Variants in FBXL13 observed in about 807,000 individuals in gnomAD.
FBXL13 encodes the protein F-box and leucine rich repeat protein 13, also known as F-box and leucine-rich repeat protein 13.
FBXL13 carries 67 observed loss-of-function variants against 83.6 expected under a neutral mutation model. That is an observed-to-expected ratio of 0.80 (90% CI 0.66 to 0.98). The LOEUF (loss-of-function observed/expected upper bound fraction) is 0.98, where lower values mean the gene tolerates loss of function less well. Among genes scored for constraint, FBXL13 ranks in the 50% least tolerant of loss-of-function variants. The pLI is 0.00. For synonymous variants in FBXL13, 272 were observed against 299.5 expected (o/e 0.91, Z 0.95); for missense variants, 822 against 866.5 (o/e 0.95, Z 0.64).
intron 6 of FBXL13, among the ~76,000 whole-genome samples, chr7:103,020,479 A>G (rs1793019632): frequency 6.6e-6 from 1 of 152,214 alleles, no homozygotes; most frequent in Admixed American, 6.5e-5. Flanking sequence ...GGCCAGGGCA[A>G]TCAGGCAAGA....
chr7:102,960,943 C>G (rs1216373534), intron 8 of FBXL13, among the ~76,000 whole-genome samples: 5 of 152,010 alleles, frequency 3.3e-5, no homozygotes, highest in African/African-American at 7.3e-5. Context: ...GATGCCCTCT[C>G]TCACCACTCC....
exon 4 of FBXL13, chr7:103,028,724 T>G: frequency 6.2e-7 from 1 of 1,600,444 alleles, no homozygotes; most frequent in East Asian, 2.3e-5. Flanking sequence ...CATTTTCATT[T>G]GTACGAGCTA....
intron 6 of FBXL13, among the ~76,000 whole-genome samples, chr7:102,990,306 G>A (rs1438927802): frequency 6.6e-6 from 1 of 152,076 alleles, no homozygotes; most frequent in Non-Finnish European, 1.5e-5. Context: ...AATTCCCAGA[G>A]AAAAGAAACA....
chr7:102,867,297 G>A (rs1027883415), intron 16 of FBXL13, among the ~76,000 whole-genome samples: 2 of 152,124 alleles, frequency 1.3e-5, no homozygotes, highest in Non-Finnish European at 2.9e-5. Flanking sequence ...AGTTGAGGCT[G>A]CAGTGAGCTA....
At chr7:102,985,870 G>A (rs1828883353) in intron 6 of FBXL13, among the ~76,000 whole-genome samples, 1 of 152,154 alleles carries the variant, frequency 6.6e-6, no homozygotes, top group Non-Finnish European at 1.5e-5. Flanking sequence ...TATGACCCAA[G>A]TCTTTGTCTC....
chr7:102,997,039 G>A (rs1203002342), intron 6 of FBXL13, among the ~76,000 whole-genome samples: 1 of 152,152 alleles, frequency 6.6e-6, no homozygotes. Flanking sequence ...GAAAGATGAT[G>A]TGTTCATAAA....
intron 19 of FBXL13, among the ~76,000 whole-genome samples, chr7:102,817,025 T>G (rs1798111058): frequency 6.6e-6 from 1 of 152,356 alleles, no homozygotes; most frequent in African/African-American, 2.4e-5. Flanking sequence ...GCACTTAGGT[T>G]GATCCCATGA....
rs532497110 is a variant in FBXL13 at position 103,065,447 on chromosome 7, G to A, written c.-105+8799C>T. Among the ~76,000 whole-genome samples, 87 of 152,164 alleles carry A rather than the reference G, an allele frequency of 5.7e-4. 1 individual carries two copies. The highest frequency in any genetic ancestry group is 4.3e-3 in the Admixed American group (66 of 15,280). ...GGGTGTGGTTTCTTTCCAACTCTCC[G>A]GAAAGTTCTCATGTCCCTCTCCAGT... On this transcript the variant is annotated intron_variant, in intron 1 of 19. Transcript: ENST00000313221.
At chr7:102,972,892 GCTAT>G (rs1241638911) in intron 6 of FBXL13, among the ~76,000 whole-genome samples, 2 of 151,708 alleles carry the variant, frequency 1.3e-5, no homozygotes, top group African/African-American at 2.4e-5. Flanking sequence ...TATTAATGTA[GCTAT>G]CTATTTTCTT....
chr7:103,039,128 T>C (rs1183060505), intron 2 of FBXL13, among the ~76,000 whole-genome samples: 1 of 152,180 alleles, frequency 6.6e-6, no homozygotes, highest in Non-Finnish European at 1.5e-5. Flanking sequence ...AGACCTTAAA[T>C]GACCTGATGG....
At chr7:102,970,482 G>A (rs1372882757) in intron 6 of FBXL13, among the ~76,000 whole-genome samples, 1 of 152,118 alleles carries the variant, frequency 6.6e-6, no homozygotes, top group East Asian at 1.9e-4. Context: ...ATATATTAAT[G>A]TGCAAAGAGG....
At chr7:103,024,989 C>G (rs1585419480) in intron 6 of FBXL13, 74 bp downstream of exon 7, 2 of 1,157,184 alleles carry the variant, frequency 1.7e-6, no homozygotes, top group African/African-American at 1.6e-5. Context: ...GCCTCCCAAG[C>G]AGCTGGGATT....
intron 11 of FBXL13, among the ~76,000 whole-genome samples, chr7:102,887,809 G>C (rs1397465113): frequency 6.6e-6 from 1 of 152,114 alleles, no homozygotes; most frequent in Non-Finnish European, 1.5e-5. Context: ...CAAACAACTA[G>C]GCACTATAGC....
At chr7:103,022,470 A>ACTAG (rs1264774155) in intron 6 of FBXL13, among the ~76,000 whole-genome samples, 1 of 152,136 alleles carries the variant, frequency 6.6e-6, no homozygotes, top group Non-Finnish European at 1.5e-5. Flanking sequence ...CCTAGAACTT[A>ACTAG]AAGTATAAAA....
chr7:103,030,107 T>C (rs1381776856), intron 2 of FBXL13: 3 of 152,186 alleles, frequency 2.0e-5, no homozygotes, highest in African/African-American at 4.8e-5. Context: ...TATATAGATA[T>C]ACAAACATAT....
chr7:102,980,286 A>G (rs1237361241), intron 6 of FBXL13, among the ~76,000 whole-genome samples: 1 of 152,260 alleles, frequency 6.6e-6, no homozygotes, highest in Admixed American at 6.5e-5. Context: ...TAGAGCTGAG[A>G]GACCAGAAAT....
intron 6 of FBXL13, among the ~76,000 whole-genome samples, chr7:103,023,416 G>A (rs1793457699): frequency 6.6e-6 from 1 of 152,108 alleles, no homozygotes; most frequent in Admixed American, 6.6e-5. Context: ...CTAATCATTA[G>A]AGAAATGTAA....
At chr7:102,815,310 T>C (rs1296715173) in intron 19 of FBXL13, among the ~76,000 whole-genome samples, 1 of 152,236 alleles carries the variant, frequency 6.6e-6, no homozygotes, top group Non-Finnish European at 1.5e-5. Context: ...ACTTTGTTAT[T>C]TTCCTTTTGT....
chr7:102,843,523 C>T (rs1455408664), intron 17 of FBXL13, among the ~76,000 whole-genome samples: 3 of 151,926 alleles, frequency 2.0e-5, no homozygotes, highest in Non-Finnish European at 4.4e-5. Flanking sequence ...GTCTGTAATC[C>T]TAGCACTTCA....
Sources: gnomAD v4.1 joint callset for allele counts (sites outside exome capture counted in the v4.1 genomes callset) on GRCh38, gnomAD v4.1.1 for gene constraint, MANE v1.5 for transcripts, NCBI Gene and HGNC (gene_info 2026-07-23, HGNC 2026-07-21) for gene names.